Variants in COBL observed in about 807,000 individuals in gnomAD.
COBL encodes cordon-bleu WH2 repeat protein.
A neutral mutation model predicts 98.8 loss-of-function variants in COBL; 51 were observed. The observed-to-expected ratio is 0.52, with a 90% CI of 0.41 to 0.65. The LOEUF is 0.65. Among genes scored for constraint, COBL ranks in the 30% least tolerant of loss-of-function variants. The pLI is 0.00. For missense variants in COBL, 1,617 were observed against 1,617.5 expected (o/e 1.00, Z 0.01); for synonymous variants, 634 against 651.7 (o/e 0.97, Z 0.41).
chr7:51,218,805 A>G (rs1282766360), intron 2 of COBL, among the ~76,000 whole-genome samples: 2 of 152,176 alleles, frequency 1.3e-5, no homozygotes, highest in African/African-American at 4.8e-5. Context: ...TTGTTTTCTT[A>G]TAAATGCTGC....
chr7:51,051,395 TA>T (rs1790221329), intron 7 of COBL, among the ~76,000 whole-genome samples: 1 of 152,214 alleles, frequency 6.6e-6, no homozygotes, highest in South Asian at 2.1e-4. Context: ...TTTTGATGCT[TA>T]TTTGTTTTTC....
At chr7:51,299,199 C>T (rs1324642932) in intron 1 of COBL, among the ~76,000 whole-genome samples, 2 of 152,160 alleles carry the variant, frequency 1.3e-5, no homozygotes, top group South Asian at 2.1e-4. Flanking sequence ...CACACTCCTC[C>T]AGGGCTGGAC....
chr7:51,155,744 T>A (rs1315217873), intron 5 of COBL, among the ~76,000 whole-genome samples: 1 of 151,946 alleles, frequency 6.6e-6, no homozygotes. Context: ...CAGAGTGGTA[T>A]CCAAGTCAGT....
At chr7:51,057,924 T>C (rs1790927525) in intron 7 of COBL, among the ~76,000 whole-genome samples, 1 of 152,230 alleles carries the variant, frequency 6.6e-6, no homozygotes. Flanking sequence ...ATTCCTCTTA[T>C]TACGGATACC....
intron 5 of COBL, among the ~76,000 whole-genome samples, chr7:51,181,705 A>G (rs553539587): frequency 6.6e-6 from 1 of 152,304 alleles, no homozygotes; most frequent in East Asian, 1.9e-4. Context: ...AATGGTGAAA[A>G]ACAGCCCCTT....
chr7:51,236,663 C>T (rs1000897205), intron 1 of COBL, among the ~76,000 whole-genome samples: 18 of 152,088 alleles, frequency 1.2e-4, no homozygotes, highest in Non-Finnish European at 2.2e-4. Flanking sequence ...GGTTGAAATC[C>T]TAGGTCTGCT....
intron 1 of COBL, among the ~76,000 whole-genome samples, chr7:51,284,311 G>A (rs1245305177): frequency 6.7e-6 from 1 of 149,198 alleles, no homozygotes; most frequent in African/African-American, 2.5e-5. Context: ...AAAAAAAAAA[G>A]AAAAAAGAAT....
intron 6 of COBL, among the ~76,000 whole-genome samples, chr7:51,099,667 G>A (rs1795640323): frequency 6.6e-6 from 1 of 152,064 alleles, no homozygotes. Context: ...TGATCTAGAG[G>A]TGCCTATATT....
intron 6 of COBL, among the ~76,000 whole-genome samples, chr7:51,131,000 A>G (rs1247070541): frequency 6.6e-6 from 1 of 152,224 alleles, no homozygotes; most frequent in African/African-American, 2.4e-5. Context: ...TTCAATATTC[A>G]TTGAATACAC....
At chr7:51,084,163 G>T (rs1793964120) in intron 7 of COBL, among the ~76,000 whole-genome samples, 1 of 152,166 alleles carries the variant, frequency 6.6e-6, no homozygotes. Flanking sequence ...TAAAAGCGAG[G>T]AACTGACTAA....
intron 2 of COBL, among the ~76,000 whole-genome samples, chr7:51,205,903 T>C (rs372070751): frequency 2.6e-5 from 4 of 152,252 alleles, no homozygotes; most frequent in African/African-American, 9.6e-5. Context: ...AGGATCTGAA[T>C]AGATATTTCT....
intron 7 of COBL, among the ~76,000 whole-genome samples, chr7:51,076,660 T>C (rs1489933954): frequency 6.6e-6 from 1 of 152,250 alleles, no homozygotes; most frequent in African/African-American, 2.4e-5. Flanking sequence ...TAGAATTGGA[T>C]ACTTGGTCAC....
At chr7:51,046,678 G>A (rs1363298389) in intron 7 of COBL, among the ~76,000 whole-genome samples, 1 of 152,066 alleles carries the variant, frequency 6.6e-6, no homozygotes, top group Non-Finnish European at 1.5e-5. Flanking sequence ...AAAGGAAAAC[G>A]TGGAGCTGCT....
At chr7:51,262,042 T>G (rs1382594530) in intron 1 of COBL, among the ~76,000 whole-genome samples, 1 of 151,780 alleles carries the variant, frequency 6.6e-6, no homozygotes, top group Non-Finnish European at 1.5e-5. Flanking sequence ...AGGAGAGGGG[T>G]TGGGATGGAG....
At chr7:51,164,960 A>G (rs968696832) in intron 5 of COBL, among the ~76,000 whole-genome samples, 2 of 152,056 alleles carry the variant, frequency 1.3e-5, no homozygotes, top group Non-Finnish European at 2.9e-5. Flanking sequence ...TGCAAGCCTC[A>G]TGGTAACTTC....
intron 6 of COBL, among the ~76,000 whole-genome samples, chr7:51,102,932 A>G (rs1454363221): frequency 1.3e-5 from 2 of 152,200 alleles, no homozygotes; most frequent in Non-Finnish European, 2.9e-5. Flanking sequence ...TTGCTGTTGA[A>G]GGGGTACAAA....
intron 2 of COBL, among the ~76,000 whole-genome samples, chr7:51,203,454 T>A (rs1584156712): frequency 1.1e-5 from 1 of 89,734 alleles, no homozygotes. Context: ...AGAGCGAGAC[T>A]CCGTCTCAAA....
chr7:51,152,527 G>A (rs747763746), intron 5 of COBL, among the ~76,000 whole-genome samples: 1 of 152,120 alleles, frequency 6.6e-6, no homozygotes, highest in Admixed American at 6.6e-5. Flanking sequence ...ACATTTGTCA[G>A]ACCTAAAGCA....
chr7:51,216,581 C>A (rs1050868826), intron 2 of COBL, among the ~76,000 whole-genome samples: 5 of 152,112 alleles, frequency 3.3e-5, no homozygotes, highest in African/African-American at 7.2e-5. Flanking sequence ...AGAACATTTC[C>A]CCTATGAACG....
Sources: gnomAD v4.1 joint callset for allele counts (sites outside exome capture counted in the v4.1 genomes callset) on GRCh38, gnomAD v4.1.1 for gene constraint, MANE v1.5 for transcripts, NCBI Gene and HGNC (gene_info 2026-07-23, HGNC 2026-07-21) for gene names.